Variants in ARMC3 observed in about 807,000 individuals in gnomAD.
ARMC3 encodes armadillo repeat containing 3.
A neutral mutation model predicts 90.3 loss-of-function variants in ARMC3; 74 were observed. That is an observed-to-expected ratio of 0.82 (90% CI 0.68 to 0.99). The LOEUF (loss-of-function observed/expected upper bound fraction) is 0.99. Ranked by LOEUF, ARMC3 falls within the 50% of genes least tolerant of loss-of-function variation. The pLI is 0.00. For synonymous variants in ARMC3, 334 were observed against 361.8 expected (o/e 0.92, Z 0.87); for missense variants, 958 against 1,042.8 (o/e 0.92, Z 1.12).
At chr10:22,949,368 T>C (rs1248345716) in intron 3 of ARMC3, among the ~76,000 whole-genome samples, 1 of 152,180 alleles carries the variant, frequency 6.6e-6, no homozygotes, top group African/African-American at 2.4e-5. Context: ...CATTAAAAGA[T>C]TAATTACAAC....
At chr10:22,974,007 C>G (rs1199490721) in intron 8 of ARMC3, among the ~76,000 whole-genome samples, 1 of 152,054 alleles carries the variant, frequency 6.6e-6, no homozygotes, top group Non-Finnish European at 1.5e-5. Flanking sequence ...ATCCACCCAC[C>G]TCGGCCTCCC....
At chr10:23,020,284 C>G (rs995193337) in intron 16 of ARMC3, among the ~76,000 whole-genome samples, 5 of 152,142 alleles carry the variant, frequency 3.3e-5, no homozygotes, top group African/African-American at 1.2e-4. Flanking sequence ...TGTGCCACCA[C>G]ACCCAGCTAA....
At position 23,008,309 on chromosome 10, in the gene ARMC3, T is replaced by A. The variant is rs781034029; in HGVS notation, c.1863T>A (p.Asp621Glu). The change falls in exon 15 of 19, where the codon GAT becomes GAA. Residue 621 changes from aspartate (D) to glutamate (E), a missense_variant. Asp to Glu is a conservative substitution (Grantham distance 45). Transcript: ENST00000298032. ...SPPSSMEDKSDVGYGRSISSS... is the reference protein window; with the variant it reads ...SPPSSMEDKSEVGYGRSISSS... The stretch of plus-strand genomic sequence containing the variant: ...CTTCATCTATGGAAGATAAATCAGA[T>A]GTTGGTTATGGACGAAGTATTTCTT... The A allele has an allele frequency of 3.5e-5, 54 of 1,554,122 alleles. 2 individuals are homozygous for A. The South Asian group carries it at 6.0e-4, about 17-fold the overall frequency.
At chr10:23,008,089 G>A (rs1336569946) in intron 14 of ARMC3, among the ~76,000 whole-genome samples, 187 bp from the exon 15 acceptor site, 1 of 152,168 alleles carries the variant, frequency 6.6e-6, no homozygotes, top group Non-Finnish European at 1.5e-5. Context: ...GGGCGATAGA[G>A]TGAGATCCTG....
chr10:22,994,597 A>G (rs1163565691), intron 10 of ARMC3, among the ~76,000 whole-genome samples: 3 of 152,218 alleles, frequency 2.0e-5, no homozygotes, highest in African/African-American at 7.2e-5. Flanking sequence ...ATCCTAAGCA[A>G]TGGGAAACCG....
chr10:23,032,117 T>C (rs938640277), intron 17 of ARMC3, among the ~76,000 whole-genome samples: 2 of 152,208 alleles, frequency 1.3e-5, no homozygotes, highest in Admixed American at 6.5e-5. Flanking sequence ...AAAATAAAAT[T>C]GCAATTCTGC....
Position 22,959,489 on chromosome 10 carries a change from G to C in ARMC3, c.452G>C (p.Gly151Ala). The change falls in exon 6 of 19, where the codon GGA becomes GCA. Residue 151 changes from glycine to alanine, a missense_variant. Coordinates refer to ENST00000298032, the MANE Select transcript of ARMC3 (RefSeq NM_173081.5). ...AAAGTGCAAATATTTGAACATGGGG[G>C]ATTAGAGCCACTCATCAGACTACTG... ...TSKVQIFEHG[G>A]LEPLIRLLSS... 1.2e-6 allele frequency: 2 copies of C among 1,613,974 alleles called. No individual in the cohort carries two copies. The highest frequency in any genetic ancestry group is 1.7e-6 in the Non-Finnish European group (2 of 1,179,928).
chr10:23,021,165 C>T (rs1194099714), intron 16 of ARMC3, among the ~76,000 whole-genome samples: 2 of 152,096 alleles, frequency 1.3e-5, no homozygotes, highest in South Asian at 2.1e-4. Context: ...ATGGCTGTAT[C>T]GTATTCTATG....
At chr10:22,982,304 G>T (rs745315659) in intron 10 of ARMC3, among the ~76,000 whole-genome samples, 1 of 152,218 alleles carries the variant, frequency 6.6e-6, no homozygotes, top group Non-Finnish European at 1.5e-5. Context: ...CTTGAACCCC[G>T]GAGGTGGAGG....
In ARMC3 at chr10:22,981,387, G is replaced by T. The variant is rs773247538; in HGVS notation, c.964G>T (p.Val322Leu). Reference sequence around the variant, plus strand: ...TGAACAAGAGGTTGAAAAGTGCCTTGTAGCCCTTTTGGGTTCTGAAAATGA... The same window carrying T: ...TGAACAAGAGGTTGAAAAGTGCCTTTTAGCCCTTTTGGGTTCTGAAAATGA... ...FHEQEVEKCL[V>L]ALLGSENDGT... The change falls in exon 9 of 19, where the codon GTA becomes TTA. Residue 322 changes from valine to leucine, a missense_variant. Val to Leu is a conservative substitution (Grantham distance 32). Coordinates refer to ENST00000298032, the MANE Select transcript of ARMC3 (RefSeq NM_173081.5). The T allele has an allele frequency of 2.2e-5, 35 of 1,613,692 alleles. 1 individual carries two copies. In the Admixed American group the frequency reaches 3.2e-4, roughly 15 times the overall value.
At chr10:23,010,204 C>T (rs1417944987) in intron 16 of ARMC3, among the ~76,000 whole-genome samples, 3 of 148,334 alleles carry the variant, frequency 2.0e-5, no homozygotes, top group African/African-American at 7.5e-5. Context: ...CTTCCCTTCC[C>T]TCCGCTTCTT....
intron 18 of ARMC3, among the ~76,000 whole-genome samples, chr10:23,036,595 G>A (rs1042181271): frequency 3.3e-5 from 5 of 152,266 alleles, no homozygotes; most frequent in Middle Eastern, 3.4e-3. Context: ...GCTGGGGTGC[G>A]CGGCTAGTCG....
chr10:23,006,139 G>A (rs1202641616), intron 13 of ARMC3, among the ~76,000 whole-genome samples: 1 of 152,188 alleles, frequency 6.6e-6, no homozygotes, highest in African/African-American at 2.4e-5. Flanking sequence ...AGCAGTGCAA[G>A]AGCCGTGTGG....
At chr10:23,022,321 C>T (rs1032745583) in intron 16 of ARMC3, among the ~76,000 whole-genome samples, 4 of 152,124 alleles carry the variant, frequency 2.6e-5, no homozygotes, top group Non-Finnish European at 5.9e-5. Context: ...TATCTTTGTA[C>T]CTTTGTCAAA....
At chr10:23,009,182 C>T (rs1258484899) in intron 16 of ARMC3, among the ~76,000 whole-genome samples, 1 of 152,260 alleles carries the variant, frequency 6.6e-6, no homozygotes, top group Non-Finnish European at 1.5e-5. Context: ...GTCCTACAGT[C>T]GCTTTAATTA....
intron 10 of ARMC3, among the ~76,000 whole-genome samples, chr10:22,985,478 G>T (rs1371602127): frequency 6.6e-6 from 1 of 152,120 alleles, no homozygotes; most frequent in Non-Finnish European, 1.5e-5. Flanking sequence ...CTTCCTCCCT[G>T]TCAGAGTTCC....
At position 23,037,436 on chromosome 10, in the gene ARMC3, T is replaced by TG. The variant is rs1314128938; in HGVS notation, c.2577dup (p.Lys860GlufsTer8). The TG allele has an allele frequency of 8.7e-6, 14 of 1,613,772 alleles. No homozygotes were observed. The Admixed American group carries it at 1.0e-4, about 12-fold the overall frequency. On this transcript the variant is annotated frameshift_variant, in exon 19 of 19. Coordinates refer to ENST00000298032, the MANE Select transcript of ARMC3 (RefSeq NM_173081.5). LOFTEE classifies it high-confidence loss of function. Reference sequence around the variant, plus strand: ...CTCATGTTCCATCCAGGTGGACTGATGAAGTTGAGAAGTCGAGAGGCTGAT... The same window carrying TG: ...CTCATGTTCCATCCAGGTGGACTGATGGAAGTTGAGAAGTCGAGAGGCTGAT...
At chr10:22,950,069 T>C (rs1311699599) in intron 3 of ARMC3, among the ~76,000 whole-genome samples, 1 of 149,538 alleles carries the variant, frequency 6.7e-6, no homozygotes, top group Non-Finnish European at 1.5e-5. Flanking sequence ...GGTGAAATAA[T>C]GTTTTTTTTC....
At chr10:22,939,589 G>A (rs543952873) in intron 2 of ARMC3, among the ~76,000 whole-genome samples, 13 of 152,176 alleles carry the variant, frequency 8.5e-5, no homozygotes, top group East Asian at 3.9e-4. Flanking sequence ...GCTTAAAAAC[G>A]GGCTTTAAAT....
Sources: gnomAD v4.1 joint callset for allele counts (sites outside exome capture counted in the v4.1 genomes callset) on GRCh38, gnomAD v4.1.1 for gene constraint, MANE v1.5 for transcripts, NCBI Gene and HGNC (gene_info 2026-07-23, HGNC 2026-07-21) for gene names.